FARS2: variants seen among roughly 807,000 people sequenced by gnomAD.
FARS2 encodes the protein phenylalanyl-tRNA synthetase 2, mitochondrial.
Under a neutral mutation model 46.4 loss-of-function variants are expected in FARS2, and 40 were observed. That is an observed-to-expected ratio of 0.86 (90% CI 0.67 to 1.12). FARS2 has a LOEUF of 1.12. Ranked by LOEUF, FARS2 falls within the 50% of genes most tolerant of loss-of-function variation. The pLI, the probability that FARS2 is intolerant of heterozygous loss-of-function variation, is 0.00. For missense variants in FARS2, 513 were observed against 567.9 expected (o/e 0.90, Z 0.98); for synonymous variants, 234 against 214.9 (o/e 1.09, Z -0.78).
intron 2 of FARS2, among the ~76,000 whole-genome samples, chr6:5,398,231 G>A (rs924138542): frequency 6.6e-6 from 1 of 152,124 alleles, no homozygotes; most frequent in Admixed American, 6.5e-5. Context: ...TTATTGTGGT[G>A]TTTGTCAAAT....
At chr6:5,558,694 A>G (rs1029807370) in intron 5 of FARS2, among the ~76,000 whole-genome samples, 8 of 151,370 alleles carry the variant, frequency 5.3e-5, no homozygotes, top group Non-Finnish European at 7.4e-5. Context: ...CCGCCACCAC[A>G]CCCAGCTTAT....
At chr6:5,518,918 C>G (rs1295744489) in intron 4 of FARS2, among the ~76,000 whole-genome samples, 1 of 152,112 alleles carries the variant, frequency 6.6e-6, no homozygotes, top group Non-Finnish European at 1.5e-5. Context: ...GCAGCACTTG[C>G]AATTTTGTTG....
intron 4 of FARS2, among the ~76,000 whole-genome samples, chr6:5,537,096 C>G (rs1160487195): frequency 1.3e-5 from 2 of 152,166 alleles, no homozygotes; most frequent in African/African-American, 2.4e-5. Context: ...ATACAGGCTG[C>G]ACTTGCCTTG....
rs752978560 is a variant in FARS2, at chr6:5,727,179, G to T, written c.1218-44112G>T. On this transcript the variant is annotated intron_variant, in intron 6 of 6. Coordinates refer to ENST00000274680, the MANE Select transcript of FARS2 (RefSeq NM_006567.5). The surrounding 1 kb of genome is among the most constrained non-coding windows in gnomAD (Gnocchi z 4.1). ...AAGCTGCTCAGTCAACAGTAACGGC[G>T]GCTGCTGCTGTAGGGGTGGGCATGG... Among the ~76,000 whole-genome samples, 1 of 152,300 alleles carries T rather than the reference G, an allele frequency of 6.6e-6. No individual in the cohort carries two copies. Among genetic ancestry groups the T allele is most frequent in the South Asian group, 2.1e-4 (1 of 4,824 alleles).
At chr6:5,753,537 TG>T (rs150016911) in intron 6 of FARS2, among the ~76,000 whole-genome samples, 2,322 of 152,262 alleles carry the variant, frequency 0.015, 50 homozygotes, top group African/African-American at 0.051. Flanking sequence ...TGATCAGCTG[TG>T]GCACGGAGCT....
At chr6:5,611,731 A>T (rs1420015800) in intron 5 of FARS2, among the ~76,000 whole-genome samples, 26 of 152,162 alleles carry the variant, frequency 1.7e-4, no homozygotes, top group Admixed American at 1.7e-3. Flanking sequence ...GTCTTGGGGC[A>T]TGTGTTCTGG....
At chr6:5,604,529 C>G (rs73360222) in intron 5 of FARS2, among the ~76,000 whole-genome samples, 1 of 152,058 alleles carries the variant, frequency 6.6e-6, no homozygotes, top group Non-Finnish European at 1.5e-5. Flanking sequence ...ACCAGGCCCT[C>G]GGCGGACCCC....
At chr6:5,575,858 G>A (rs910728350) in intron 5 of FARS2, among the ~76,000 whole-genome samples, 1 of 151,968 alleles carries the variant, frequency 6.6e-6, no homozygotes, top group Non-Finnish European at 1.5e-5. Flanking sequence ...ACAATTTTTT[G>A]GCTTCATCTT....
intron 1 of FARS2, among the ~76,000 whole-genome samples, chr6:5,341,235 A>ATATATTTTTT (rs1561970178): frequency 7.8e-4 from 8 of 10,274 alleles, no homozygotes; most frequent in Non-Finnish European, 1.6e-3. Flanking sequence ...ATATATATAT[A>ATATATTTTTT]TTTTTTTTTT....
At chr6:5,258,622 C>A (rs1477972838), upstream of FARS2, among the ~76,000 whole-genome samples, 1 of 152,114 alleles carries the variant, frequency 6.6e-6, no homozygotes, top group African/African-American at 2.4e-5. Context: ...ATTTTTATAA[C>A]AAGTAAGTTT....
chr6:5,459,756 C>A (rs925445007), intron 4 of FARS2, among the ~76,000 whole-genome samples: 18 of 152,192 alleles, frequency 1.2e-4, no homozygotes, highest in African/African-American at 3.6e-4. Flanking sequence ...CCAGCAGTCT[C>A]CTGTATGCCT....
At chr6:5,586,008 G>A (rs1773594884) in intron 5 of FARS2, among the ~76,000 whole-genome samples, 4 of 151,994 alleles carry the variant, frequency 2.6e-5, no homozygotes, top group Admixed American at 2.0e-4. Flanking sequence ...TTTCCATAAT[G>A]ATTTTTTTTC....
At chr6:5,719,321 A>AGCTGTGAGCTGTGAGCTGTGAGCTGT (rs1759719822) in intron 6 of FARS2, among the ~76,000 whole-genome samples, 2 of 151,260 alleles carry the variant, frequency 1.3e-5, no homozygotes, top group Middle Eastern at 3.2e-3. Context: ...GGTCAAGGCT[A>AGCTGTGAGCTGTGAGCTGTGAGCTGT]CAGTGAGCTG....
At chr6:5,578,518 G>T (rs1773119009) in intron 5 of FARS2, among the ~76,000 whole-genome samples, 1 of 151,994 alleles carries the variant, frequency 6.6e-6, no homozygotes, top group Non-Finnish European at 1.5e-5. Context: ...TAAGAAAAAA[G>T]AAAACAGTGG....
At chr6:5,461,024 A>T (rs1765212467) in intron 4 of FARS2, among the ~76,000 whole-genome samples, 1 of 148,464 alleles carries the variant, frequency 6.7e-6, no homozygotes, top group African/African-American at 2.5e-5. Flanking sequence ...GTTTTGATGG[A>T]CTGCAGACAT....
Position 5,705,857 on chromosome 6 carries a change from C to T in FARS2, c.1218-65434C>T, listed in dbSNP as rs573432202. 7.9e-5 allele frequency among the ~76,000 whole-genome samples: 12 copies of T among 152,258 alleles called. 1 individual carries two copies. The South Asian group carries it at 2.3e-3, about 29-fold the overall frequency. On this transcript the variant is annotated intron_variant, in intron 6 of 6. Transcript: ENST00000274680. ...AGTGCAACCGCACACACAAAGCCAC[C>T]CCTTCTTTTCCAGTTGCCTGCGCTC... is the stretch of plus-strand genomic sequence containing the variant.
chr6:5,668,885 G>A (rs752312547), intron 6 of FARS2, among the ~76,000 whole-genome samples: 7 of 151,690 alleles, frequency 4.6e-5, no homozygotes, highest in Non-Finnish European at 7.4e-5. Flanking sequence ...TTATAGAGAC[G>A]GGGTTTCACC....
intron 5 of FARS2, among the ~76,000 whole-genome samples, chr6:5,566,619 G>T (rs562477582): frequency 6.6e-6 from 1 of 152,254 alleles, no homozygotes; most frequent in Admixed American, 6.5e-5. Context: ...AAATAATTCA[G>T]TTAACTGAGA....
chr6:5,419,229 A>G (rs1227429499), intron 3 of FARS2, among the ~76,000 whole-genome samples: 1 of 152,230 alleles, frequency 6.6e-6, no homozygotes, highest in Non-Finnish European at 1.5e-5. Context: ...TCTGTTTTAC[A>G]AAACCAGAAT....
Sources: allele counts gnomAD v4.1 joint callset (sites outside exome capture counted in the v4.1 genomes callset), GRCh38; gene constraint gnomAD v4.1.1; non-coding constraint Gnocchi (gnomAD v3.1); transcripts MANE v1.5; gene names NCBI Gene and HGNC (gene_info 2026-07-23, HGNC 2026-07-21).